The following RALGDS variants were observed in gnomAD, a reference collection of about 807,000 sequenced individuals.
RALGDS encodes the protein ral guanine nucleotide dissociation stimulator, also known as ral guanine nucleotide exchange factor.
In RALGDS, 44 loss-of-function variants were observed where a neutral mutation model predicts 99.8. The observed-to-expected ratio is 0.44, with a 90% CI of 0.35 to 0.57. RALGDS has a LOEUF of 0.57. Among genes scored for constraint, RALGDS ranks in the 20% least tolerant of loss-of-function variants. RALGDS has a pLI of 0.01. For missense variants in RALGDS, 1,022 were observed against 1,203.1 expected (o/e 0.85, Z 2.23); for synonymous variants, 529 against 505.0 (o/e 1.05, Z -0.64).
intron 6 of RALGDS, among the ~76,000 whole-genome samples, 170 bp downstream of exon 6, chr9:133,107,818 G>T (rs1184839528): frequency 6.6e-6 from 1 of 152,264 alleles, no homozygotes; most frequent in Non-Finnish European, 1.5e-5. Flanking sequence ...CTACTGTCCA[G>T]AGGTAAACTG....
chr9:133,125,854 C>T (rs1588560083), upstream of RALGDS, among the ~76,000 whole-genome samples: 1 of 152,174 alleles, frequency 6.6e-6, no homozygotes, highest in South Asian at 2.1e-4. Flanking sequence ...CTGCCAGGCT[C>T]ACCGTTTCCT....
At chr9:133,122,329 C>T (rs1006115916), upstream of RALGDS, among the ~76,000 whole-genome samples, 1 of 152,250 alleles carries the variant, frequency 6.6e-6, no homozygotes, top group African/African-American at 2.4e-5. Flanking sequence ...CTGGCCTCAG[C>T]CTTCAGTCTT....
At chr9:133,143,072 CCT>C (rs1443994774) in intron 1 of RALGDS, among the ~76,000 whole-genome samples, 1 of 152,222 alleles carries the variant, frequency 6.6e-6, no homozygotes, top group African/African-American at 2.4e-5. Flanking sequence ...TAGCACAAGG[CCT>C]ACAGGCTGGC....
upstream of RALGDS, among the ~76,000 whole-genome samples, chr9:133,126,045 C>T (rs1213589176): frequency 6.6e-6 from 1 of 152,196 alleles, no homozygotes; most frequent in Admixed American, 6.5e-5. Flanking sequence ...ACACTCAAGG[C>T]CAATGACAAC....
At chr9:133,115,108 T>C (rs536196039) in intron 1 of RALGDS, among the ~76,000 whole-genome samples, 75 of 152,254 alleles carry the variant, frequency 4.9e-4, no homozygotes, top group Middle Eastern at 3.4e-3. Context: ...CTGGGTAGAA[T>C]AGTGAGGGTC....
At chr9:133,103,141 T>G in intron 12 of RALGDS, 89 bp downstream of exon 12, 1 of 1,537,772 alleles carries the variant, frequency 6.5e-7, no homozygotes, top group East Asian at 2.3e-5. Context: ...GTCCCATGAA[T>G]CTAAGGAGAG....
Position 133,107,265 on chromosome 9 carries a change from C to T in RALGDS, c.1233G>A (p.Leu411=), listed in dbSNP as rs1831110567. 1 of 1,613,650 alleles carries T rather than the reference C, an allele frequency of 6.2e-7. No individual in the cohort carries two copies. The highest frequency in any genetic ancestry group is 1.7e-5 in the Admixed American group (1 of 60,006). ...LFKKVVPYHC[L]GSIWSQRDKK... ...TGTCCCGCTGGGACCAGATGGAGCC[C>T]AGGCAGTGGTAGGGCACCACCTTCT... Residue 411 remains leucine, a synonymous_variant, in exon 7 of 18, where the codon CTG becomes CTA. Transcript: ENST00000372050.
In RALGDS at chr9:133,103,842, T is replaced by C. The variant is rs772311456; in HGVS notation, c.1672-9A>G. ...GTGCCCTGGATGATGCCCTGTGACA[T>C]TGGGGTAGGAGGATGAGCAAGGCCC... is the stretch of plus-strand genomic sequence containing the variant. On this transcript the variant is annotated splice_polypyrimidine_tract_variant and intron_variant, in intron 10 of 17. Transcript: ENST00000372050. 5.0e-6 allele frequency: 8 copies of C among 1,612,072 alleles called. No individual in the cohort carries two copies. The highest frequency in any genetic ancestry group is 1.1e-5 in the South Asian group (1 of 91,066).
rs1830764984 is a variant in RALGDS at position 133,101,718 on chromosome 9, G to T, written c.2256C>A (p.Ile752=). ...ACGAGGTGCTGCTGGAGGCTGAGCT[G>T]ATGCCGGAGGTCTCCGGGGATGACT... is the stretch of plus-strand genomic sequence containing the variant. The part of the protein sequence containing the change: ...ASQSSPETSG[I]SSASSSTSSS... Residue 752 remains isoleucine, a synonymous_variant, in exon 16 of 18, where the codon ATC becomes ATA. Transcript: ENST00000372050. 1 of 1,613,614 alleles carries T rather than the reference G, an allele frequency of 6.2e-7. No homozygotes were observed. The highest frequency in any genetic ancestry group is 1.3e-5 in the African/African-American group (1 of 74,942).
Position 133,148,373 on chromosome 9 carries a change from C to T in RALGDS, c.18+590G>A, listed in dbSNP as rs139074462. ...AGATCCTGGGAACCTTGGAGAATCC[C>T]CGCCCATCAAGCTGGCGTGTCCTCC... On this transcript the variant is annotated intron_variant, in intron 1 of 17. Transcript: ENST00000393160. 1.1e-3 allele frequency among the ~76,000 whole-genome samples: 172 copies of T among 152,348 alleles called. 3 individuals carry two copies. In the East Asian group the frequency reaches 0.027, roughly 24 times the overall value.
At chr9:133,121,314 A>T, upstream of RALGDS, 133 of 232,572 alleles carry the variant, frequency 5.7e-4, no homozygotes, top group Non-Finnish European at 8.3e-4. Flanking sequence ...GGGGCCGGGG[A>T]GGGGCGGAAC....
rs1249617219 is a variant in RALGDS at position 133,100,914 on chromosome 9, G to A, written c.2455-532C>T. 1.1e-5 allele frequency: 12 copies of A among 1,049,148 alleles called. No homozygotes were observed. In the South Asian group the frequency reaches 1.3e-4, roughly 12 times the overall value. The allele number at this position is 1,049,148 out of a possible 1,614,324, so 65.0% of individuals were successfully genotyped here. On this transcript the variant is annotated intron_variant, in intron 16 of 17. Coordinates refer to ENST00000372050, the MANE Select transcript of RALGDS (RefSeq NM_006266.4). ...CTCCTGGCAATGAGGGGTCAGGAGC[G>A]TGTGTGAATAATGGGGCACCTGACC... is the stretch of plus-strand genomic sequence containing the variant.
chr9:133,141,063 G>C (rs988331811), intron 1 of RALGDS, among the ~76,000 whole-genome samples: 2 of 152,198 alleles, frequency 1.3e-5, no homozygotes, highest in Non-Finnish European at 2.9e-5. Context: ...GACAGATGGG[G>C]CAAGGGAGGC....
chr9:133,101,080 C>T (rs1830732586), intron 16 of RALGDS: 1 of 1,112,192 alleles, frequency 9.0e-7, no homozygotes, highest in Non-Finnish European at 1.1e-6. Context: ...TAGACTCTGA[C>T]CCTGCTGGCC....
At chr9:133,105,854 C>CGCCCCAGCCCCA (rs1207355556) in intron 9 of RALGDS, 78 bp downstream of exon 9, 4 of 11,566 alleles carry the variant, frequency 3.5e-4, no homozygotes, top group Non-Finnish European at 1.2e-3. Context: ...CCCCAGCCCC[C>CGCCCCAGCCCCA]GCCCCAGCCC....
intron 1 of RALGDS, chr9:133,129,107 C>T (rs780287815): frequency 1.4e-5 from 22 of 1,558,990 alleles, no homozygotes; most frequent in Middle Eastern, 1.7e-4. Context: ...AGCCCCTCCC[C>T]GGCAGAGGCA....
At position 133,115,626 on chromosome 9, in the gene RALGDS, T is replaced by C. The variant is rs12005984; in HGVS notation, c.184-3474A>G. Among the ~76,000 whole-genome samples, 397 of 152,246 alleles carry C rather than the reference T, an allele frequency of 2.6e-3. 4 individuals carry two copies. The highest frequency in any genetic ancestry group is 9.1e-3 in the African/African-American group (377 of 41,536). Reference sequence around the variant, plus strand: ...CATCTGGGGAGGGCAGCACTACCTGTCACAGGCAACAGTGGGGGTCAAGAG... The same window carrying C: ...CATCTGGGGAGGGCAGCACTACCTGCCACAGGCAACAGTGGGGGTCAAGAG... On this transcript the variant is annotated intron_variant, in intron 1 of 17. Coordinates refer to ENST00000372050, the MANE Select transcript of RALGDS (RefSeq NM_006266.4).
rs778576041 is a variant in RALGDS at position 133,109,670 on chromosome 9, G to A, written c.540C>T (p.Leu180=). The A allele has an allele frequency of 1.1e-5, 18 of 1,613,888 alleles. No homozygotes were observed. The Admixed American group carries it at 1.5e-4, about 13-fold the overall frequency. Residue 180 remains leucine (L), a synonymous_variant, in exon 4 of 18, where the codon CTC becomes CTT. Transcript: ENST00000372050. ...GTCCACCATCCTCGTCGGAATAGGG[G>A]AGGATGCAGCCGTATCTAGAGGAGG... ...LTASSRYGCI[L]PYSDEDGGPQ...
At position 133,102,763 on chromosome 9, in the gene RALGDS, G is replaced by T. The variant is rs751935995; in HGVS notation, c.1913+16C>A. The T allele has an allele frequency of 1.9e-6, 3 of 1,609,402 alleles. No individual in the cohort carries two copies. The South Asian group carries it at 3.3e-5, about 18-fold the overall frequency. On this transcript the variant is annotated intron_variant, in intron 13 of 17. Coordinates refer to ENST00000372050, the MANE Select transcript of RALGDS (RefSeq NM_006266.4). The stretch of plus-strand genomic sequence containing the variant: ...CAGCCTGCCCCCACTGTCCCCATTT[G>T]CTGCCCCGGCCTCACCTCTCAGTCT...
Sources: allele counts gnomAD v4.1 joint callset (sites outside exome capture counted in the v4.1 genomes callset), GRCh38; gene constraint gnomAD v4.1.1; transcripts MANE v1.5; gene names NCBI Gene and HGNC (gene_info 2026-07-23, HGNC 2026-07-21).